KIAA0232: variants seen among roughly 807,000 people sequenced by gnomAD.
KIAA0232 encodes uncharacterized protein KIAA0232.
KIAA0232 carries 27 observed loss-of-function variants against 122.0 expected under a neutral mutation model. That is an observed-to-expected ratio of 0.22 (90% CI 0.16 to 0.31). The LOEUF is 0.31. Ranked by LOEUF, KIAA0232 falls within the 10% of genes least tolerant of loss-of-function variation. The pLI is 1.00. For missense variants in KIAA0232, 1,551 were observed against 1,634.2 expected, an observed-to-expected ratio of 0.95 and a Z score of 0.88; for synonymous variants, 613 against 587.6, an observed-to-expected ratio of 1.04 and a Z score of -0.63.
intron 1 of KIAA0232, among the ~76,000 whole-genome samples, chr4:6,791,315 CTTTTTTTTTT>C (rs10716163): frequency 9.7e-5 from 8 of 82,660 alleles, no homozygotes; most frequent in East Asian, 3.8e-4. Flanking sequence ...GTCATAAAGC[CTTTTTTTTTT>C]TTTTTTTTTT....
chr4:6,804,280 C>T (rs1003937784), intron 1 of KIAA0232, among the ~76,000 whole-genome samples: 1 of 152,184 alleles, frequency 6.6e-6, no homozygotes, highest in African/African-American at 2.4e-5. Context: ...CCCTGGAGTG[C>T]TCCCTCTTGT....
chr4:6,867,087 A>T (rs1418658415), intron 7 of KIAA0232, among the ~76,000 whole-genome samples: 1 of 152,166 alleles, frequency 6.6e-6, no homozygotes, highest in East Asian at 1.9e-4. Flanking sequence ...ATGGTACTTT[A>T]TTGTAATCAC....
chr4:6,863,966 AG>A lies in KIAA0232; in HGVS notation c.3586del (p.Glu1196ArgfsTer9). ...EKSAQTSLDS[Q>X]EESTGILSVG... ...AGTGCTCAGACATCACTGGATTCCC[AG>A]GAGGAATCAACTGGGATTCTTTCAG... On this transcript the variant is annotated frameshift_variant, in exon 7 of 10. Coordinates refer to ENST00000307659, the MANE Select transcript of KIAA0232 (RefSeq NM_014743.3). LOFTEE classifies it high-confidence loss of function. 1 of 1,614,078 alleles carries A rather than the reference AG, an allele frequency of 6.2e-7. No homozygotes were observed. The highest frequency in any genetic ancestry group is 8.5e-7 in the Non-Finnish European group (1 of 1,179,952).
At chr4:6,867,965 T>G (rs922435260) in intron 7 of KIAA0232, among the ~76,000 whole-genome samples, 2 of 152,236 alleles carry the variant, frequency 1.3e-5, no homozygotes, top group African/African-American at 4.8e-5. Context: ...GCACTCAGTA[T>G]CTCTTCATTG....
chr4:6,824,296 A>C lies in KIAA0232; in HGVS notation c.-158A>C, dbSNP rs1227745250. The C allele has an allele frequency of 1.5e-6, 1 of 646,740 alleles. No homozygotes were observed. Among genetic ancestry groups the C allele is most frequent in the African/African-American group, 1.8e-5 (1 of 55,432 alleles). 40.1% of individuals were successfully genotyped at this position (646,740 alleles called of 1,614,324 possible). A position where few individuals can be genotyped will look rare whatever the true frequency, so the allele number is the denominator to read the frequency against. ...TCATTAGTCATGCCTGAAGAGGGAA[A>C]GTCTGTTTTAGGTGGCTGACTACCA... On this transcript the variant is annotated 5_prime_UTR_variant, in exon 3 of 10. Transcript: ENST00000307659.
Position 6,861,955 on chromosome 4 carries a change from G to A in KIAA0232, c.1573G>A (p.Glu525Lys). The A allele has an allele frequency of 6.2e-7, 1 of 1,614,084 alleles. No homozygotes were observed. The highest frequency in any genetic ancestry group is 8.5e-7 in the Non-Finnish European group (1 of 1,179,960). ...DQSMLDPGAS[E>K]TMQGESRILN... is the part of the protein sequence containing the mutation. ...ATCCATGTTGGATCCTGGTGCCTCA[G>A]AAACAATGCAAGGAGAAAGTCGGAT... The change falls in exon 7 of 10, where the codon GAA (glutamate) becomes AAA (lysine). Residue 525 changes from glutamate (E) to lysine (K), a missense_variant. Physicochemically the swap from Glu to Lys is moderately conservative, Grantham distance 56. Coordinates refer to ENST00000307659, the MANE Select transcript of KIAA0232 (RefSeq NM_014743.3).
At chr4:6,806,759 A>G (rs972706586) in intron 2 of KIAA0232, among the ~76,000 whole-genome samples, 1 of 151,144 alleles carries the variant, frequency 6.6e-6, no homozygotes, top group African/African-American at 2.4e-5. Context: ...AAAAAAAAAA[A>G]AAAAGAATTA....
Position 6,851,429 on chromosome 4 carries a change from TG to T in KIAA0232, c.370-5732del, listed in dbSNP as rs1720277486. On this transcript the variant is annotated intron_variant, in intron 4 of 9. Coordinates refer to ENST00000307659, the MANE Select transcript of KIAA0232 (RefSeq NM_014743.3). ...CATATCATAAAAAATAGGGTTTGCC[TG>T]GGTGCGATGGCTCATGCCTGTAATC... 5.3e-5 allele frequency among the ~76,000 whole-genome samples: 8 copies of T among 152,242 alleles called. No homozygotes were observed. The South Asian group carries it at 1.7e-3, about 32-fold the overall frequency.
chr4:6,855,780 A>G lies in KIAA0232; in HGVS notation c.370-1384A>G. The G allele has an allele frequency of 1.1e-6, 1 of 919,484 alleles. No individual in the cohort carries two copies. The highest frequency in any genetic ancestry group is 1.2e-4 in the East Asian group (1 of 8,490). The allele number at this position is 919,484 out of a possible 1,614,324, so 57.0% of individuals were successfully genotyped here. On this transcript the variant is annotated intron_variant, in intron 4 of 9. Transcript: ENST00000307659. The surrounding 1 kb of genome is among the most constrained non-coding windows in gnomAD (Gnocchi z 4.3). ...AGACTAGCCCTAGGTTTAGAAACCT[A>G]GTGACATAGGCTTGCTGTACAGAAC...
intron 4 of KIAA0232, among the ~76,000 whole-genome samples, chr4:6,856,381 A>T (rs556996280): frequency 5.7e-4 from 86 of 151,896 alleles, no homozygotes; most frequent in African/African-American, 1.8e-3. Context: ...CTGTAAAAAA[A>T]TTTTTTTTTC....
chr4:6,830,877 GC>G (rs1015220291), intron 3 of KIAA0232, among the ~76,000 whole-genome samples: 1 of 152,040 alleles, frequency 6.6e-6, no homozygotes, highest in Non-Finnish European at 1.5e-5. Flanking sequence ...GACTTGGGTG[GC>G]TAGGGTACAA....
At chr4:6,822,465 A>G (rs1718468541) in intron 2 of KIAA0232, among the ~76,000 whole-genome samples, 1 of 152,162 alleles carries the variant, frequency 6.6e-6, no homozygotes, top group Admixed American at 6.6e-5. Flanking sequence ...TGATGCTTTT[A>G]CTAACATTTA....
chr4:6,856,492 C>T (rs1720577949), intron 4 of KIAA0232, among the ~76,000 whole-genome samples: 1 of 152,002 alleles, frequency 6.6e-6, no homozygotes, highest in Non-Finnish European at 1.5e-5. Flanking sequence ...AAGGTTGACT[C>T]TTATTTTTAC....
intron 1 of KIAA0232, among the ~76,000 whole-genome samples, chr4:6,800,073 T>TTTTTTTTTTTTTTTTTTTTTTTTTTTTC: frequency 9.7e-6 from 1 of 103,608 alleles, no homozygotes; most frequent in African/African-American, 4.2e-5. Flanking sequence ...TTTTTTTTTT[T>TTTTTTTTTTTTTTTTTTTTTTTTTTTTC]TTGAGATGGA....
intron 1 of KIAA0232, among the ~76,000 whole-genome samples, chr4:6,800,012 C>G (rs1008137984): frequency 7.8e-6 from 1 of 127,532 alleles, no homozygotes; most frequent in Non-Finnish European, 1.7e-5. Context: ...TTTGCATATA[C>G]TCTGTTTTCT....
At chr4:6,827,391 A>G (rs1349325805) in intron 3 of KIAA0232, among the ~76,000 whole-genome samples, 3 of 152,220 alleles carry the variant, frequency 2.0e-5, no homozygotes, top group Non-Finnish European at 4.4e-5. Flanking sequence ...AGCTTCTGTC[A>G]TCAGAACTCC....
intron 7 of KIAA0232, among the ~76,000 whole-genome samples, chr4:6,868,896 A>G (rs181006090): frequency 1.3e-5 from 2 of 152,226 alleles, no homozygotes; most frequent in East Asian, 1.9e-4. Context: ...AAGACTCCCA[A>G]ATTTATGGTA....
intron 3 of KIAA0232, among the ~76,000 whole-genome samples, chr4:6,838,727 CTT>C (rs749354748): frequency 0.12 from 13,252 of 108,104 alleles, 522 homozygotes; most frequent in African/African-American, 0.2. Flanking sequence ...TTCAAAGCAG[CTT>C]TTTTTTTTTT....
Position 6,860,968 on chromosome 4 carries a change from A to G in KIAA0232, c.586A>G (p.Asn196Asp). 1 of 1,614,174 alleles carries G rather than the reference A, an allele frequency of 6.2e-7. No individual in the cohort carries two copies. Among genetic ancestry groups the G allele is most frequent in the South Asian group, 1.1e-5 (1 of 91,088 alleles). The change falls in exon 7 of 10, where the codon AAC becomes GAC. Residue 196 changes from asparagine to aspartate, a missense_variant. Physicochemically the swap from Asn to Asp is conservative, Grantham distance 23. Around this residue, in one of 5 missense-constraint regions of KIAA0232, gnomAD observed 377 missense variants for 381.7 expected, o/e 0.99. Transcript: ENST00000307659. ...VCLQEIMTVW[N>D]KSKVCSYSSS... is the part of the protein sequence containing the mutation. ...CCTGCAAGAAATCATGACTGTGTGG[A>G]ACAAGTCTAAAGTCTGTTCTTACTC... is the stretch of plus-strand genomic sequence containing the variant.
Sources: allele counts gnomAD v4.1 joint callset (sites outside exome capture counted in the v4.1 genomes callset), GRCh38; gene constraint gnomAD v4.1.1; regional missense constraint gnomAD v4.1.1; non-coding constraint Gnocchi (gnomAD v3.1); transcripts MANE v1.5; gene names NCBI Gene and HGNC (gene_info 2026-07-23, HGNC 2026-07-21).